CALN1: variants seen among roughly 807,000 people sequenced by gnomAD.
CALN1 encodes the protein calcium-binding protein 8.
Under a neutral mutation model 30.6 loss-of-function variants are expected in CALN1, and 17 were observed. That is an observed-to-expected ratio of 0.56 (90% CI 0.38 to 0.83). CALN1 has a LOEUF of 0.83. Ranked by LOEUF, CALN1 falls within the 40% of genes least tolerant of loss-of-function variation. The pLI is 0.00. For missense variants in CALN1, 291 were observed against 354.9 expected, an observed-to-expected ratio of 0.82 and a Z score of 1.45; for synonymous variants, 156 against 131.4, an observed-to-expected ratio of 1.19 and a Z score of -1.28.
intron 3 of CALN1, among the ~76,000 whole-genome samples, chr7:72,210,430 G>T (rs1436460333): frequency 2.0e-5 from 3 of 152,146 alleles, no homozygotes; most frequent in African/African-American, 7.2e-5. Context: ...ACTTTGGGAG[G>T]CTGCATTGTT....
intron 3 of CALN1, among the ~76,000 whole-genome samples, chr7:72,272,413 T>G (rs1388946687): frequency 6.6e-6 from 1 of 151,690 alleles, no homozygotes; most frequent in Non-Finnish European, 1.5e-5. Context: ...AATACAAAAA[T>G]TAGCTGGGTG....
chr7:71,901,140 T>C (rs889242154), intron 5 of CALN1, among the ~76,000 whole-genome samples: 2 of 152,138 alleles, frequency 1.3e-5, no homozygotes, highest in Admixed American at 1.3e-4. Flanking sequence ...GTCAAGACCC[T>C]GAACCAGTCC....
intron 2 of CALN1, among the ~76,000 whole-genome samples, chr7:72,283,062 A>C (rs1797840544): frequency 1.3e-5 from 2 of 152,114 alleles, no homozygotes; most frequent in Admixed American, 1.3e-4. Context: ...CTCAAAAAAA[A>C]AAAAAAAAAG....
At chr7:72,431,228 C>A (rs1272029697) in intron 1 of CALN1, among the ~76,000 whole-genome samples, 2 of 152,110 alleles carry the variant, frequency 1.3e-5, no homozygotes, top group Admixed American at 6.5e-5. Flanking sequence ...CTGAGCCGGG[C>A]ACCAATCTAT....
At chr7:72,095,011 G>T (rs925387133) in intron 4 of CALN1, among the ~76,000 whole-genome samples, 4 of 152,078 alleles carry the variant, frequency 2.6e-5, no homozygotes, top group African/African-American at 9.7e-5. Context: ...GTGTGTGTGT[G>T]TTTTTCAGAG....
chr7:72,184,697 A>G (rs1353814704), intron 3 of CALN1, among the ~76,000 whole-genome samples: 1 of 152,142 alleles, frequency 6.6e-6, no homozygotes, highest in East Asian at 1.9e-4. Context: ...AAACACTCGA[A>G]TTTATTTCAG....
At chr7:72,349,853 T>C (rs1340594768) in intron 2 of CALN1, among the ~76,000 whole-genome samples, 2 of 152,218 alleles carry the variant, frequency 1.3e-5, no homozygotes, top group African/African-American at 2.4e-5. Context: ...GATAGATGCG[T>C]ATTTTACAAA....
chr7:72,212,669 C>G (rs1163048693), intron 3 of CALN1, among the ~76,000 whole-genome samples: 1 of 151,974 alleles, frequency 6.6e-6, no homozygotes, highest in East Asian at 1.9e-4. Flanking sequence ...AAAAAATGAG[C>G]CAGGCCTGGT....
At chr7:72,057,048 C>T (rs1803300089) in intron 4 of CALN1, among the ~76,000 whole-genome samples, 1 of 152,116 alleles carries the variant, frequency 6.6e-6, no homozygotes, top group Non-Finnish European at 1.5e-5. Context: ...TCAAGTGCCC[C>T]TCCTGCCTCA....
chr7:71,844,485 T>C (rs1184961755), intron 5 of CALN1, among the ~76,000 whole-genome samples: 1 of 152,158 alleles, frequency 6.6e-6, no homozygotes, highest in Non-Finnish European at 1.5e-5. Flanking sequence ...AAATAACAAA[T>C]GGGGAAATAA....
intron 5 of CALN1, among the ~76,000 whole-genome samples, chr7:71,846,900 TAA>T (rs1225825765): frequency 6.1e-5 from 9 of 146,638 alleles, no homozygotes; most frequent in Non-Finnish European, 1.0e-4. Flanking sequence ...TATGTATATA[TAA>T]TATATACATA....
At chr7:72,255,807 T>A (rs370940516) in intron 3 of CALN1, among the ~76,000 whole-genome samples, 3 of 151,716 alleles carry the variant, frequency 2.0e-5, no homozygotes, top group East Asian at 3.9e-4. Context: ...CTCGGCTCAC[T>A]GCAACCTCCG....
At position 71,964,991 on chromosome 7, in the gene CALN1, G is replaced by C. The variant is rs560854291; in HGVS notation, c.501+58666C>G. On this transcript the variant is annotated intron_variant, in intron 5 of 6. Coordinates refer to ENST00000395275, the MANE Select transcript of CALN1 (RefSeq NM_031468.4). ...AGTAGAGACCGTTTTTGAGGATTCAGGGGAAAATAAGAATGTTTTCTGGCT... is the reference window on the plus strand; with the variant it reads ...AGTAGAGACCGTTTTTGAGGATTCACGGGAAAATAAGAATGTTTTCTGGCT... Among the ~76,000 whole-genome samples, 66 of 152,258 alleles carry C rather than the reference G, an allele frequency of 4.3e-4. No homozygotes were observed. The South Asian group carries it at 0.011, about 26-fold the overall frequency.
chr7:72,043,020 T>A (rs1802227380), intron 4 of CALN1, among the ~76,000 whole-genome samples: 1 of 152,168 alleles, frequency 6.6e-6, no homozygotes, highest in Non-Finnish European at 1.5e-5. Flanking sequence ...AATAAACATT[T>A]CGACCTAGAG....
chr7:72,499,151 C>G, the CALN1 span, among the ~76,000 whole-genome samples: 1 of 152,146 alleles, frequency 6.6e-6, no homozygotes, highest in Non-Finnish European at 1.5e-5. Flanking sequence ...CTACCTCAGC[C>G]TCCCTAGTAG....
At chr7:72,250,729 G>A (rs571993350) in intron 3 of CALN1, among the ~76,000 whole-genome samples, 2 of 152,048 alleles carry the variant, frequency 1.3e-5, no homozygotes, top group African/African-American at 2.4e-5. Flanking sequence ...CCCCTCTTGC[G>A]ACGTGATGCC....
chr7:71,963,522 C>T (rs1330035054), intron 5 of CALN1, among the ~76,000 whole-genome samples: 5 of 151,900 alleles, frequency 3.3e-5, no homozygotes, highest in Admixed American at 3.3e-4. Flanking sequence ...CCAGGCTGGT[C>T]TTGAACTCCT....
the CALN1 span, among the ~76,000 whole-genome samples, chr7:72,479,896 A>C: frequency 6.6e-6 from 1 of 151,808 alleles, no homozygotes; most frequent in Non-Finnish European, 1.5e-5. Flanking sequence ...CACTCAATTG[A>C]CTCTGTATCT....
chr7:72,120,743 C>A (rs368988200), intron 3 of CALN1, among the ~76,000 whole-genome samples: 1 of 152,084 alleles, frequency 6.6e-6, no homozygotes, highest in Non-Finnish European at 1.5e-5. Flanking sequence ...TAGTTCTTGA[C>A]GTTCAAGATC....
Sources: gnomAD v4.1 joint callset for allele counts (sites outside exome capture counted in the v4.1 genomes callset) on GRCh38, gnomAD v4.1.1 for gene constraint, MANE v1.5 for transcripts, NCBI Gene and HGNC (gene_info 2026-07-23, HGNC 2026-07-21) for gene names.